The following STPG2 variants were observed in gnomAD, a reference collection of about 807,000 sequenced individuals.
The protein encoded by STPG2 is sperm tail PG-rich repeat containing 2.
STPG2 carries 56 observed loss-of-function variants against 54.2 expected under a neutral mutation model. The ratio of observed to expected loss-of-function variants is 1.03; its 90% confidence interval spans 0.83 to 1.29. The LOEUF is 1.29. STPG2 is among the 50% of genes most tolerant of loss of function. The pLI is 0.00. For missense variants in STPG2, 596 were observed against 544.9 expected (o/e 1.09, Z -0.93); for synonymous variants, 200 against 181.8 (o/e 1.10, Z -0.81).
chr4:97,893,176 T>G (rs1730835363), intron 8 of STPG2: 1 of 151,878 alleles, frequency 6.6e-6, no homozygotes, highest in Admixed American at 6.6e-5. Context: ...ATATCCTAAG[T>G]GCTATACGGA....
intron 9 of STPG2, among the ~76,000 whole-genome samples, chr4:97,750,461 A>C (rs1725550180): frequency 1.3e-5 from 2 of 151,794 alleles, no homozygotes; most frequent in African/African-American, 4.8e-5. Context: ...TCCAGGAATC[A>C]AATGGAATAA....
intron 5 of STPG2, among the ~76,000 whole-genome samples, chr4:98,040,333 C>A (rs752268425): frequency 2.0e-5 from 3 of 151,756 alleles, no homozygotes; most frequent in African/African-American, 7.3e-5. Context: ...AATTAAGTCC[C>A]ATTTGCCTAT....
chr4:98,039,437 A>T (rs1248830401), intron 5 of STPG2, among the ~76,000 whole-genome samples: 1 of 150,556 alleles, frequency 6.6e-6, no homozygotes, highest in African/African-American at 2.4e-5. Context: ...GGGAGTGTCC[A>T]ATGTCTGTGT....
chr4:97,970,582 G>T (rs1301813811), intron 7 of STPG2, among the ~76,000 whole-genome samples: 1 of 152,182 alleles, frequency 6.6e-6, no homozygotes, highest in African/African-American at 2.4e-5. Context: ...TTTAATAAAT[G>T]ATGTTGGGAA....
chr4:97,556,446 T>A (rs1266820442), downstream of STPG2, among the ~76,000 whole-genome samples: 1 of 152,176 alleles, frequency 6.6e-6, no homozygotes, highest in Non-Finnish European at 1.5e-5. Context: ...GCAATGTGCA[T>A]CAAATGCACT....
At chr4:97,476,748 G>T (rs113979877) in intron 4 of STPG2, among the ~76,000 whole-genome samples, 2,466 of 152,238 alleles carry the variant, frequency 0.016, 63 homozygotes, top group African/African-American at 0.057. Context: ...CAGTTTTGCA[G>T]CATCCTTTAA....
intron 10 of STPG2, among the ~76,000 whole-genome samples, chr4:97,563,370 T>C (rs1304584455): frequency 1.3e-5 from 2 of 152,058 alleles, no homozygotes; most frequent in Non-Finnish European, 2.9e-5. Context: ...TCAATTTTGT[T>C]GATCCTTTCA....
intron 5 of STPG2, among the ~76,000 whole-genome samples, chr4:98,022,634 C>T (rs953376091): frequency 6.6e-6 from 1 of 152,048 alleles, no homozygotes. Flanking sequence ...GTTCCATTTT[C>T]CCCATCACTT....
chr4:98,052,638 A>G (rs4699588), intron 5 of STPG2, among the ~76,000 whole-genome samples: 59,939 of 152,044 alleles, frequency 0.39, 12,043 homozygotes, highest in Middle Eastern at 0.46. Flanking sequence ...GTGAAAATAT[A>G]AAAGGCTAAA....
intron 10 of STPG2, among the ~76,000 whole-genome samples, chr4:97,690,642 AG>A (rs1723334970): frequency 6.6e-6 from 1 of 152,212 alleles, no homozygotes; most frequent in South Asian, 2.1e-4. Flanking sequence ...AAGAGAGTTT[AG>A]GTGTTCAAGC....
At chr4:97,658,403 G>T (rs749266277) in intron 10 of STPG2, among the ~76,000 whole-genome samples, 24 of 152,184 alleles carry the variant, frequency 1.6e-4, no homozygotes, top group Non-Finnish European at 3.1e-4. Context: ...TTGACAATAT[G>T]CAGAAAATAC....
At chr4:98,134,288 G>T (rs1740075229) in intron 2 of STPG2, 59 bp downstream of exon 2, 6 of 855,760 alleles carry the variant, frequency 7.0e-6, no homozygotes, top group Non-Finnish European at 6.8e-6. Context: ...ATGACATTTG[G>T]TCTATTCAGG....
At chr4:97,972,236 T>C in intron 7 of STPG2, 44 bp downstream of exon 7, 1 of 1,319,256 alleles carries the variant, frequency 7.6e-7, no homozygotes, top group Non-Finnish European at 1.0e-6. Flanking sequence ...CCTAAGAGCT[T>C]GATATTCAAC....
rs545758671 is a variant in STPG2, at chr4:97,881,126, G to T, written c.1045-40194C>A. On this transcript the variant is annotated intron_variant, in intron 8 of 10. Transcript: ENST00000295268. ...AATGGGATCTAGTCCCCTGGATCTG[G>T]TAAAAACTAGTAAAGAGTGCAAAGT... Among the ~76,000 whole-genome samples, 3 of 152,026 alleles carry T rather than the reference G, an allele frequency of 2.0e-5. No individual in the cohort carries two copies. In the South Asian group the frequency reaches 6.2e-4, roughly 32 times the overall value.
chr4:98,060,893 C>T (rs1737631388), intron 5 of STPG2, among the ~76,000 whole-genome samples: 1 of 152,174 alleles, frequency 6.6e-6, no homozygotes, highest in African/African-American at 2.4e-5. Flanking sequence ...GGACCCCTTC[C>T]TTTTGCCATA....
intron 8 of STPG2, among the ~76,000 whole-genome samples, chr4:97,863,213 GAAGAA>G (rs1448154339): frequency 1.3e-5 from 2 of 151,930 alleles, no homozygotes. Flanking sequence ...GACTAATAAA[GAAGAA>G]AAGAGAGAAG....
chr4:97,707,278 C>T (rs950817501), intron 10 of STPG2, among the ~76,000 whole-genome samples: 2 of 152,092 alleles, frequency 1.3e-5, no homozygotes, highest in South Asian at 4.1e-4. Context: ...AATCTCAGCA[C>T]TTTGGGAGGC....
rs1369568640 is a variant in STPG2 at position 97,681,377 on chromosome 4, G to T, written c.1320+31322C>A. ...TTAGTACAAAACAATAGCATTTATG[G>T]GAAAAATTCTGTGCTATGGTAGGTA... is the stretch of plus-strand genomic sequence containing the variant. On this transcript the variant is annotated intron_variant, in intron 10 of 10. Coordinates refer to ENST00000295268, the MANE Select transcript of STPG2 (RefSeq NM_174952.3). Among the ~76,000 whole-genome samples the T allele has an allele frequency of 2.0e-5, 3 of 151,660 alleles. No homozygotes were observed. In the East Asian group the frequency reaches 5.8e-4, roughly 29 times the overall value.
At chr4:97,665,698 A>G (rs1722501943) in intron 10 of STPG2, among the ~76,000 whole-genome samples, 1 of 152,046 alleles carries the variant, frequency 6.6e-6, no homozygotes, top group African/African-American at 2.4e-5. Context: ...GCCTCCTGGC[A>G]CTGTTCATGG....
Sources: gnomAD v4.1 joint callset for allele counts (sites outside exome capture counted in the v4.1 genomes callset) on GRCh38, gnomAD v4.1.1 for gene constraint, MANE v1.5 for transcripts, NCBI Gene and HGNC (gene_info 2026-07-23, HGNC 2026-07-21) for gene names.